MSRA: variants seen among roughly 807,000 people sequenced by gnomAD.
The protein encoded by MSRA is mitochondrial peptide methionine sulfoxide reductase.
MSRA carries 54 observed loss-of-function variants against 31.3 expected under a neutral mutation model. The ratio of observed to expected loss-of-function variants is 1.73; its 90% CI spans 1.39 to 2.17. The LOEUF (loss-of-function observed/expected upper bound fraction) is 2.17, where lower values mean the gene tolerates loss of function less well. MSRA is among the 30% of genes most tolerant of loss of function. MSRA has a pLI of 0.00. For synonymous variants in MSRA, 169 were observed against 116.5 expected, an observed-to-expected ratio of 1.45 and a Z score of -2.90; for missense variants, 507 against 300.9, an observed-to-expected ratio of 1.69 and a Z score of -5.07.
At chr8:10,364,957 A>G (rs544039845) in intron 5 of MSRA, among the ~76,000 whole-genome samples, 96 of 152,246 alleles carry the variant, frequency 6.3e-4, no homozygotes, top group Admixed American at 2.3e-3. Context: ...TAGGCTCCTT[A>G]TTTAACACTG....
chr8:10,134,275 T>C (rs1802104514), intron 1 of MSRA, among the ~76,000 whole-genome samples: 1 of 152,216 alleles, frequency 6.6e-6, no homozygotes, highest in Non-Finnish European at 1.5e-5. Flanking sequence ...TTGGTTGCTA[T>C]TACCACGTAA....
Position 10,333,468 on chromosome 8 carries a change from G to A in MSRA, c.543+13479G>A, listed in dbSNP as rs182195894. 1.1e-4 allele frequency among the ~76,000 whole-genome samples: 16 copies of A among 152,246 alleles called. No individual in the cohort carries two copies. In the South Asian group the frequency reaches 2.5e-3, roughly 24 times the overall value. Reference sequence around the variant, plus strand: ...ATGCCTCTTCCGCAAGTCTTTGGGCGGAGAAAAACCACAGGGAGGTCCCCG... The same window carrying A: ...ATGCCTCTTCCGCAAGTCTTTGGGCAGAGAAAAACCACAGGGAGGTCCCCG... On this transcript the variant is annotated intron_variant, in intron 5 of 5. Coordinates refer to ENST00000317173, the MANE Select transcript of MSRA (RefSeq NM_012331.5).
At chr8:10,239,508 G>T (rs1015780111) in intron 2 of MSRA, among the ~76,000 whole-genome samples, 11 of 152,192 alleles carry the variant, frequency 7.2e-5, no homozygotes, top group African/African-American at 2.2e-4. Context: ...TATATACTTT[G>T]TAACACCAAA....
intron 5 of MSRA, among the ~76,000 whole-genome samples, chr8:10,394,746 C>G (rs1379518608): frequency 6.6e-6 from 1 of 152,252 alleles, no homozygotes; most frequent in Non-Finnish European, 1.5e-5. Flanking sequence ...CAGCTGCTTT[C>G]TGAACACTTT....
intron 5 of MSRA, among the ~76,000 whole-genome samples, chr8:10,409,007 T>A (rs1035018893): frequency 3.9e-5 from 6 of 152,238 alleles, no homozygotes; most frequent in African/African-American, 1.2e-4. Flanking sequence ...CTTGCTGCAG[T>A]GTGTAGTGCT....
At chr8:10,425,430 T>G (rs544488536) in intron 5 of MSRA, among the ~76,000 whole-genome samples, 7 of 152,280 alleles carry the variant, frequency 4.6e-5, no homozygotes, top group African/African-American at 1.7e-4. Context: ...GGCCTGCAGG[T>G]GGCTGCGAAG....
chr8:10,339,242 T>C (rs1385942795), intron 5 of MSRA, among the ~76,000 whole-genome samples: 1 of 152,208 alleles, frequency 6.6e-6, no homozygotes, highest in Non-Finnish European at 1.5e-5. Flanking sequence ...TGTAAAACTC[T>C]TACGTTACCA....
chr8:10,158,612 A>G (rs987886991), intron 1 of MSRA, among the ~76,000 whole-genome samples: 1 of 152,234 alleles, frequency 6.6e-6, no homozygotes, highest in Admixed American at 6.5e-5. Flanking sequence ...TGGAGACACC[A>G]CATTTTATGT....
At position 10,232,826 on chromosome 8, in the gene MSRA, G is replaced by A. The variant is rs115285397; in HGVS notation, c.212-12278G>A. ...AGGACTATTGGAAAATTCTTACCAA[G>A]TAATGATTTTGTAATGATTGTGTCA... On this transcript the variant is annotated intron_variant, in intron 2 of 5. Coordinates refer to ENST00000317173, the MANE Select transcript of MSRA (RefSeq NM_012331.5). 8.7e-3 allele frequency among the ~76,000 whole-genome samples: 1,324 copies of A among 152,312 alleles called. 25 individuals carry two copies. The highest frequency in any genetic ancestry group is 0.03 in the African/African-American group (1,256 of 41,560).
chr8:10,074,691 C>A (rs1797913794), intron 1 of MSRA, among the ~76,000 whole-genome samples: 1 of 151,996 alleles, frequency 6.6e-6, no homozygotes, highest in East Asian at 1.9e-4. Flanking sequence ...CACAGTCTTG[C>A]TCTGTTGCTG....
chr8:10,314,550 A>T (rs1203759739), intron 4 of MSRA, among the ~76,000 whole-genome samples: 1 of 152,246 alleles, frequency 6.6e-6, no homozygotes, highest in South Asian at 2.1e-4. Context: ...TTGTGCAGTC[A>T]TGTGGTTTTG....
intron 1 of MSRA, among the ~76,000 whole-genome samples, chr8:10,061,542 C>G (rs1157927389): frequency 6.6e-6 from 1 of 152,158 alleles, no homozygotes; most frequent in Non-Finnish European, 1.5e-5. Context: ...CAATCTGTCT[C>G]ATCTCCCCAC....
At chr8:10,391,709 C>T (rs536122325) in intron 5 of MSRA, among the ~76,000 whole-genome samples, 118 of 152,334 alleles carry the variant, frequency 7.7e-4, no homozygotes, top group Middle Eastern at 3.4e-3. Flanking sequence ...CCTAACAGCT[C>T]TGCCACCTGC....
intron 1 of MSRA, among the ~76,000 whole-genome samples, chr8:10,092,839 T>G (rs763809021): frequency 6.6e-6 from 1 of 152,210 alleles, no homozygotes; most frequent in Non-Finnish European, 1.5e-5. Context: ...TTCAATTATT[T>G]TAGATTTTGC....
intron 1 of MSRA, among the ~76,000 whole-genome samples, chr8:10,153,506 C>T (rs1279999599): frequency 2.7e-5 from 3 of 112,036 alleles, no homozygotes; most frequent in Non-Finnish European, 5.2e-5. Context: ...TTCAGGACAG[C>T]TTTCTACCTT....
At chr8:10,324,119 C>G (rs1802223584) in intron 5 of MSRA, among the ~76,000 whole-genome samples, 1 of 152,208 alleles carries the variant, frequency 6.6e-6, no homozygotes, top group African/African-American at 2.4e-5. Flanking sequence ...ATGCTGTGGT[C>G]TCTTTTGCAC....
At chr8:10,369,654 A>G (rs540811742) in intron 5 of MSRA, among the ~76,000 whole-genome samples, 1 of 152,210 alleles carries the variant, frequency 6.6e-6, no homozygotes, top group South Asian at 2.1e-4. Flanking sequence ...GAAAACTTAA[A>G]AATGAGGCAT....
At chr8:10,367,915 G>T (rs566310675) in intron 5 of MSRA, among the ~76,000 whole-genome samples, 1 of 152,222 alleles carries the variant, frequency 6.6e-6, no homozygotes, top group South Asian at 2.1e-4. Flanking sequence ...TCGTTTGTCC[G>T]TGGCAGAGAG....
chr8:10,229,844 G>A (rs186716885), intron 2 of MSRA, among the ~76,000 whole-genome samples: 42 of 152,314 alleles, frequency 2.8e-4, no homozygotes, highest in Admixed American at 5.9e-4. Context: ...GAAGAGGAAA[G>A]GGAGAGGTGA....
Sources: gnomAD v4.1 joint callset for allele counts (sites outside exome capture counted in the v4.1 genomes callset) on GRCh38, gnomAD v4.1.1 for gene constraint, MANE v1.5 for transcripts, NCBI Gene and HGNC (gene_info 2026-07-23, HGNC 2026-07-21) for gene names.